Variants in TACC2 observed in about 807,000 individuals in gnomAD.
The protein encoded by TACC2 is transforming acidic coiled-coil-containing protein 2.
TACC2 carries 137 observed loss-of-function variants against 227.3 expected under a neutral mutation model. The observed-to-expected ratio is 0.60, with a 90% CI of 0.52 to 0.69. The LOEUF is 0.69. TACC2 is among the 30% of genes least tolerant of loss of function. The pLI is 0.00. For missense variants in TACC2, 3,470 were observed against 3,694.4 expected (o/e 0.94, Z 1.57); for synonymous variants, 1,523 against 1,487.5 (o/e 1.02, Z -0.55).
chr10:122,219,467 G>A (rs992259034), intron 11 of TACC2, among the ~76,000 whole-genome samples: 3 of 152,198 alleles, frequency 2.0e-5, no homozygotes, highest in Non-Finnish European at 4.4e-5. Flanking sequence ...CACCCTCAAC[G>A]TCGTAGGGGC....
rs376832664 is a variant in TACC2 at position 122,043,646 on chromosome 10, C to T, written c.34-6792C>T. On this transcript the variant is annotated intron_variant, in intron 2 of 22. Transcript: ENST00000369005. ...GCCAGACTGAAGTGCAGTGCACAATCTTGGCTTACTGCAACCTCCACCTCC... is the reference window on the plus strand; with the variant it reads ...GCCAGACTGAAGTGCAGTGCACAATTTTGGCTTACTGCAACCTCCACCTCC... Among the ~76,000 whole-genome samples the T allele has an allele frequency of 2.6e-5, 4 of 152,058 alleles. No homozygotes were observed. The South Asian group carries it at 8.3e-4, about 32-fold the overall frequency.
intron 7 of TACC2, among the ~76,000 whole-genome samples, chr10:122,153,138 G>T (rs1336076788): frequency 6.6e-6 from 1 of 151,954 alleles, no homozygotes; most frequent in East Asian, 1.9e-4. Flanking sequence ...TGGGATTACA[G>T]GCATAGGTCA....
chr10:122,070,924 GAAA>G (rs552998858), intron 3 of TACC2, among the ~76,000 whole-genome samples: 2 of 142,912 alleles, frequency 1.4e-5, no homozygotes. Flanking sequence ...ACCCTGTCTG[GAAA>G]AAAAAAAAGG....
At chr10:122,202,706 G>C (rs181282604) in intron 8 of TACC2, among the ~76,000 whole-genome samples, 52,533 of 144,290 alleles carry the variant, frequency 0.36, 11,179 homozygotes, top group Middle Eastern at 0.5. Flanking sequence ...GTTTCTCGGA[G>C]AGGGGGATTT....
chr10:122,061,057 C>A (rs925885747), intron 3 of TACC2, among the ~76,000 whole-genome samples: 2 of 150,318 alleles, frequency 1.3e-5, no homozygotes, highest in African/African-American at 4.9e-5. Context: ...CACCTGTAAT[C>A]CCAGCACTCT....
At chr10:122,033,512 C>G (rs1959197179) in intron 2 of TACC2, among the ~76,000 whole-genome samples, 2 of 152,158 alleles carry the variant, frequency 1.3e-5, no homozygotes, top group African/African-American at 2.4e-5. Flanking sequence ...GCAAGTGAAG[C>G]TGGGAATGGG....
chr10:122,068,707 A>G (rs1337601345), intron 3 of TACC2, among the ~76,000 whole-genome samples: 1 of 149,636 alleles, frequency 6.7e-6, no homozygotes, highest in African/African-American at 2.5e-5. Context: ...GGTGTCGCCC[A>G]GGCTGGAGTG....
rs768321654 is a variant in TACC2 at position 122,215,383 on chromosome 10, GT to G, written c.7284-5del. On this transcript the variant is annotated splice_polypyrimidine_tract_variant and splice_region_variant and intron_variant, in intron 9 of 22. Coordinates refer to ENST00000369005, the MANE Select transcript of TACC2 (RefSeq NM_206862.4). ...TTGTTGTGTTTACGTTTTCCATTTT[GT>G]TTCCAGTGACACATTTAGGGTGAAA... is the stretch of plus-strand genomic sequence containing the variant. The G allele has an allele frequency of 4.3e-6, 7 of 1,613,338 alleles. No individual in the cohort carries two copies. In the South Asian group the frequency reaches 7.7e-5, roughly 18 times the overall value.
chr10:122,213,418 G>A (rs769920558), intron 9 of TACC2: 66 of 1,605,646 alleles, frequency 4.1e-5, no homozygotes, highest in Non-Finnish European at 5.4e-5. Flanking sequence ...TGCCAAATGT[G>A]CTTATTTTTC....
intron 2 of TACC2, among the ~76,000 whole-genome samples, chr10:122,042,946 C>T (rs1288631618): frequency 6.6e-6 from 1 of 152,214 alleles, no homozygotes; most frequent in Non-Finnish European, 1.5e-5. Flanking sequence ...TGGTACAGGC[C>T]ATCCTGACAT....
intron 3 of TACC2, among the ~76,000 whole-genome samples, chr10:122,053,129 T>C (rs1396176718): frequency 1.3e-5 from 2 of 152,176 alleles, no homozygotes; most frequent in South Asian, 2.1e-4. Context: ...GATAAAGATA[T>C]ACCCAAGACT....
chr10:122,172,049 G>C (rs1592899950), intron 7 of TACC2, among the ~76,000 whole-genome samples: 3 of 152,302 alleles, frequency 2.0e-5, no homozygotes, highest in African/African-American at 7.2e-5. Flanking sequence ...CAAGCCCAGA[G>C]GTGGTTGGAC....
chr10:122,021,911 C>T lies in TACC2; in HGVS notation c.-45-26C>T, dbSNP rs114850480. 6.4e-4 allele frequency: 901 copies of T among 1,403,314 alleles called. 5 individuals carry two copies. The African/African-American group carries it at 9.0e-3, about 14-fold the overall frequency. 86.9% of individuals were successfully genotyped at this position (1,403,314 alleles called of 1,614,324 possible). On this transcript the variant is annotated intron_variant, in intron 1 of 22. Transcript: ENST00000369005. ...CTCAGATCTTTTTTCATTTCACAGA[C>T]GTTTATACCCTTTTGTTTCTTCCAG... is the stretch of plus-strand genomic sequence containing the variant.
At chr10:122,144,135 A>G (rs535259010) in intron 7 of TACC2, among the ~76,000 whole-genome samples, 26 of 152,288 alleles carry the variant, frequency 1.7e-4, no homozygotes, top group Non-Finnish European at 2.9e-4. Context: ...GCAGAGCCCC[A>G]AGGCCATCTG....
chr10:122,124,223 A>G (rs992963913), intron 5 of TACC2, among the ~76,000 whole-genome samples: 1 of 152,200 alleles, frequency 6.6e-6, no homozygotes, highest in African/African-American at 2.4e-5. Context: ...TTCAAAACCC[A>G]AATCATCTTT....
At chr10:122,129,513 T>C (rs1345284552) in intron 5 of TACC2, among the ~76,000 whole-genome samples, 1 of 152,170 alleles carries the variant, frequency 6.6e-6, no homozygotes, top group Non-Finnish European at 1.5e-5. Flanking sequence ...CCCTTAATTA[T>C]CTCCTTAAAA....
chr10:122,050,348 G>A lies in TACC2; in HGVS notation c.34-90G>A. The A allele has an allele frequency of 1.0e-6, 1 of 952,858 alleles. No individual in the cohort carries two copies. The highest frequency in any genetic ancestry group is 1.5e-5 in the South Asian group (1 of 67,004). 59.0% of individuals were successfully genotyped at this position (952,858 alleles called of 1,614,324 possible). A position where few individuals can be genotyped will look rare whatever the true frequency, so the allele number is the denominator to read the frequency against. On this transcript the variant is annotated intron_variant, in intron 2 of 22. Coordinates refer to ENST00000369005, the MANE Select transcript of TACC2 (RefSeq NM_206862.4). The surrounding 1 kb of genome is among the most constrained non-coding windows in gnomAD (Gnocchi z 4.6). Reference sequence around the variant, plus strand: ...GCAAGTGAACAACCTTACCTTGAATGCTGTGGTGGGTGCCCTGTTGATAAA... The same window carrying A: ...GCAAGTGAACAACCTTACCTTGAATACTGTGGTGGGTGCCCTGTTGATAAA...
At chr10:122,157,731 A>G (rs767003754) in intron 7 of TACC2, among the ~76,000 whole-genome samples, 26 of 152,100 alleles carry the variant, frequency 1.7e-4, no homozygotes, top group Admixed American at 1.3e-3. Context: ...GTGGGCTTAA[A>G]TCCTTTTTGA....
At chr10:122,155,833 A>ATTTTTTTTTTTTTT in intron 7 of TACC2, among the ~76,000 whole-genome samples, 1 of 118,304 alleles carries the variant, frequency 8.5e-6, no homozygotes, top group Non-Finnish European at 1.7e-5. Flanking sequence ...TAGTGGGAAA[A>ATTTTTTTTTTTTTT]TTTTTTTTTT....
Sources: gnomAD v4.1 joint callset for allele counts (sites outside exome capture counted in the v4.1 genomes callset) on GRCh38, gnomAD v4.1.1 for gene constraint, Gnocchi (gnomAD v3.1) non-coding constraint, MANE v1.5 for transcripts, NCBI Gene and HGNC (gene_info 2026-07-23, HGNC 2026-07-21) for gene names.